Variants in FHIT observed in about 807,000 individuals in gnomAD.
FHIT encodes bis(5'-adenosyl)-triphosphatase.
FHIT carries 19 observed loss-of-function variants against 17.9 expected under a neutral mutation model. The ratio of observed to expected loss-of-function variants is 1.06; its 90% confidence interval spans 0.74 to 1.56. FHIT has a LOEUF of 1.56. Ranked by LOEUF, FHIT falls within the 40% of genes most tolerant of loss-of-function variation. The pLI is 0.00. For synonymous variants in FHIT, 81 were observed against 69.7 expected (o/e 1.16, Z -0.81); for missense variants, 248 against 189.2 (o/e 1.31, Z -1.82).
chr3:60,111,983 T>G (rs1704693447), intron 5 of FHIT, among the ~76,000 whole-genome samples: 1 of 152,218 alleles, frequency 6.6e-6, no homozygotes, highest in African/African-American at 2.4e-5. Flanking sequence ...TATTGCAAGA[T>G]GTAGAAAATC....
intron 5 of FHIT, among the ~76,000 whole-genome samples, chr3:60,154,378 G>A (rs574345363): frequency 3.3e-5 from 5 of 152,250 alleles, no homozygotes; most frequent in East Asian, 1.9e-4. Context: ...CAGGCATACC[G>A]AAAAATTCTG....
chr3:61,134,132 A>ACACACACACACACACACACACACACAC (rs1455630506), intron 2 of FHIT, among the ~76,000 whole-genome samples: 1 of 37,278 alleles, frequency 2.7e-5, no homozygotes, highest in Non-Finnish European at 6.6e-5. Context: ...CACACACACA[A>ACACACACACACACACACACACACACAC]AGAGGTCAAG....
chr3:59,998,744 A>G (rs920482911), intron 7 of FHIT, among the ~76,000 whole-genome samples: 1 of 152,256 alleles, frequency 6.6e-6, no homozygotes, highest in East Asian at 1.9e-4. Flanking sequence ...CATTCCTTGC[A>G]ATGAATACCT....
At chr3:60,559,763 C>CT (rs2036869901) in intron 4 of FHIT, among the ~76,000 whole-genome samples, 2 of 61,220 alleles carry the variant, frequency 3.3e-5, no homozygotes, top group African/African-American at 1.3e-4. Context: ...GTCCCTCTTA[C>CT]GGGCACTTAC....
chr3:60,173,403 T>G (rs1003049752), intron 5 of FHIT, among the ~76,000 whole-genome samples: 19 of 152,156 alleles, frequency 1.2e-4, no homozygotes, highest in East Asian at 1.9e-4. Context: ...CTGGGTAAAG[T>G]GAATGTTCAT....
chr3:59,935,397 A>T (rs142143291), intron 7 of FHIT, among the ~76,000 whole-genome samples: 1 of 152,230 alleles, frequency 6.6e-6, no homozygotes, highest in Admixed American at 6.5e-5. Flanking sequence ...TTTAAAGAGC[A>T]TGCTCAAATG....
rs748673684 is a variant in FHIT at position 61,021,523 on chromosome 3, CG to C, written c.-111+20523del. On this transcript the variant is annotated intron_variant, in intron 3 of 9. Transcript: ENST00000492590. Reference sequence around the variant, plus strand: ...CTGAGGCAGGAGAATGGCGTGAACCCGGGAGGCGGAGCTTGCAGTGAGCCGA... The same window carrying C: ...CTGAGGCAGGAGAATGGCGTGAACCCGGAGGCGGAGCTTGCAGTGAGCCGA... 2.2e-3 allele frequency among the ~76,000 whole-genome samples: 304 copies of C among 139,442 alleles called. 1 individual carries two copies. Among genetic ancestry groups the C allele is most frequent in the Non-Finnish European group, 3.5e-3 (228 of 65,198 alleles). The allele number at this position is 139,442 out of a possible 152,430, so 91.5% of individuals were successfully genotyped here. A position where few individuals can be genotyped will look rare whatever the true frequency, so the allele number is the denominator to read the frequency against.
At chr3:61,111,167 T>G (rs1054595578) in intron 2 of FHIT, among the ~76,000 whole-genome samples, 2 of 152,200 alleles carry the variant, frequency 1.3e-5, no homozygotes, top group East Asian at 3.9e-4. Flanking sequence ...GAGATGGTCT[T>G]GAGCATATCA....
intron 3 of FHIT, among the ~76,000 whole-genome samples, chr3:60,915,223 T>C (rs1213469952): frequency 2.0e-5 from 3 of 152,154 alleles, no homozygotes; most frequent in African/African-American, 7.2e-5. Context: ...TTCTGAATAG[T>C]ACCATACATT....
At chr3:61,093,839 A>C (rs909493063) in intron 2 of FHIT, among the ~76,000 whole-genome samples, 5 of 152,214 alleles carry the variant, frequency 3.3e-5, no homozygotes, top group African/African-American at 1.2e-4. Context: ...TGTCAACCCT[A>C]AGAGTTAGGT....
chr3:61,231,300 T>A (rs566602079), intron 1 of FHIT, among the ~76,000 whole-genome samples: 1 of 152,250 alleles, frequency 6.6e-6, no homozygotes, highest in African/African-American at 2.4e-5. Context: ...GAAACCAGCC[T>A]GGACAACATA....
At chr3:61,187,544 T>G (rs1003086586) in intron 2 of FHIT, among the ~76,000 whole-genome samples, 10 of 152,132 alleles carry the variant, frequency 6.6e-5, no homozygotes, top group African/African-American at 2.4e-4. Context: ...TTAACAAGGA[T>G]ATCCAGGAAT....
intron 5 of FHIT, among the ~76,000 whole-genome samples, chr3:60,334,206 G>C (rs150473470): frequency 1.7e-4 from 26 of 152,232 alleles, no homozygotes; most frequent in African/African-American, 5.5e-4. Flanking sequence ...TAATTGTATA[G>C]TTATATGCTG....
At chr3:60,235,836 A>G (rs141413951) in intron 5 of FHIT, among the ~76,000 whole-genome samples, 34 of 152,206 alleles carry the variant, frequency 2.2e-4, no homozygotes, top group African/African-American at 8.2e-4. Flanking sequence ...AAAAGCAAAA[A>G]CTCACAATGG....
chr3:60,573,549 A>G (rs782654829), intron 4 of FHIT, among the ~76,000 whole-genome samples: 2 of 152,118 alleles, frequency 1.3e-5, no homozygotes, highest in Non-Finnish European at 2.9e-5. Context: ...AACAAACCGT[A>G]CATGTCCTTC....
At chr3:60,692,258 A>T (rs782282670) in intron 4 of FHIT, among the ~76,000 whole-genome samples, 3 of 152,184 alleles carry the variant, frequency 2.0e-5, no homozygotes, top group Non-Finnish European at 4.4e-5. Flanking sequence ...TATTTCCAAA[A>T]ATATTACTGC....
At chr3:59,850,738 C>T (rs1390209762) in intron 8 of FHIT, among the ~76,000 whole-genome samples, 3 of 152,194 alleles carry the variant, frequency 2.0e-5, no homozygotes, top group Non-Finnish European at 4.4e-5. Flanking sequence ...GAAGGACTCA[C>T]ACATGTCTGA....
At chr3:60,206,079 G>A (rs544728379) in intron 5 of FHIT, among the ~76,000 whole-genome samples, 1 of 149,458 alleles carries the variant, frequency 6.7e-6, no homozygotes, top group South Asian at 2.1e-4. Context: ...CTTGCAGTGA[G>A]CCGAGATTGA....
intron 7 of FHIT, among the ~76,000 whole-genome samples, chr3:59,948,294 G>A (rs1157864495): frequency 6.7e-6 from 1 of 149,878 alleles, no homozygotes; most frequent in African/African-American, 2.5e-5. Flanking sequence ...CATAAGGTCA[G>A]GACATCGAGA....
Sources: allele counts gnomAD v4.1 joint callset (sites outside exome capture counted in the v4.1 genomes callset), GRCh38; gene constraint gnomAD v4.1.1; transcripts MANE v1.5; gene names NCBI Gene and HGNC (gene_info 2026-07-23, HGNC 2026-07-21).